The following CYP46A1 variants were observed in gnomAD, a reference collection of about 807,000 sequenced individuals.
The protein encoded by CYP46A1 is cholesterol 24-hydroxylase.
CYP46A1 carries 20 observed loss-of-function variants against 63.3 expected under a neutral mutation model. The observed-to-expected ratio is 0.32, with a 90% CI of 0.22 to 0.46. CYP46A1 has a LOEUF of 0.46. Ranked by LOEUF, CYP46A1 falls within the 20% of genes least tolerant of loss-of-function variation. CYP46A1 has a pLI of 1.00. For missense variants in CYP46A1, 445 were observed against 670.8 expected (o/e 0.66, Z 3.72); for synonymous variants, 268 against 273.6 (o/e 0.98, Z 0.20).
chr14:99,684,788 G>C (rs1026368783), intron 1 of CYP46A1: 3 of 591,614 alleles, frequency 5.1e-6, no homozygotes, highest in Non-Finnish European at 9.5e-6. Flanking sequence ...TCAGGTAGGC[G>C]CTATTGTTAA....
chr14:99,695,973 T>C (rs1412200024), intron 3 of CYP46A1, among the ~76,000 whole-genome samples: 1 of 152,138 alleles, frequency 6.6e-6, no homozygotes, highest in Non-Finnish European at 1.5e-5. Flanking sequence ...TGTTATATCT[T>C]TTTTCTGTTA....
At chr14:99,692,613 T>C (rs1214662519) in intron 3 of CYP46A1, among the ~76,000 whole-genome samples, 1 of 150,340 alleles carries the variant, frequency 6.7e-6, no homozygotes, top group Non-Finnish European at 1.5e-5. Context: ...GTGGATCACC[T>C]GAGGTCAGGA....
intron 9 of CYP46A1, among the ~76,000 whole-genome samples, chr14:99,717,400 G>A (rs2056800222): frequency 6.6e-6 from 1 of 152,134 alleles, no homozygotes; most frequent in Admixed American, 6.5e-5. Flanking sequence ...TATAGTCACA[G>A]CCCGCGATGC....
At chr14:99,719,548 C>G (rs1042322840) in intron 10 of CYP46A1, among the ~76,000 whole-genome samples, 1 of 151,630 alleles carries the variant, frequency 6.6e-6, no homozygotes, top group East Asian at 2.0e-4. Context: ...TTTCATCTTC[C>G]CAAACTGAAA....
rs367930763 is a variant in CYP46A1, at chr14:99,719,933, T to C, written c.981-1306T>C. Among the ~76,000 whole-genome samples, 7 of 152,048 alleles carry C rather than the reference T, an allele frequency of 4.6e-5. 1 individual carries two copies. Among genetic ancestry groups the C allele is most frequent in the African/African-American group, 1.7e-4 (7 of 41,476 alleles). On this transcript the variant is annotated intron_variant, in intron 10 of 14. Transcript: ENST00000261835. Reference sequence around the variant, plus strand: ...CACGCCACCATGCCTGGCTAATTTTTTTTGTATTTTTAGTAGAGACGGGGC... The same window carrying C: ...CACGCCACCATGCCTGGCTAATTTTCTTTGTATTTTTAGTAGAGACGGGGC...
At chr14:99,712,201 A>G (rs775448034) in intron 7 of CYP46A1, 14 of 152,196 alleles carry the variant, frequency 9.2e-5, no homozygotes, top group Non-Finnish European at 1.9e-4. Context: ...GGAAAAGCTA[A>G]AAGTCTTTCC....
chr14:99,706,726 C>A lies in CYP46A1; in HGVS notation c.523C>A (p.Gln175Lys), dbSNP rs779038416. 1.9e-6 allele frequency: 3 copies of A among 1,613,664 alleles called. No individual in the cohort carries two copies. In the African/African-American group the frequency reaches 4.0e-5, roughly 22 times the overall value. ...GATTCTAGAAGCCAAGGCAGATGGG[C>A]AGACCCCAGTGTCCATGCAGGACAT... ...VEILEAKADG[Q>K]TPVSMQDMLT... is the part of the protein sequence containing the mutation. Residue 175 changes from glutamine to lysine, a missense_variant, in exon 6 of 15, where the codon CAG becomes AAG. By Grantham distance (53) the Gln-to-Lys change is moderately conservative. Transcript: ENST00000261835.
At chr14:99,699,740 G>A (rs549734910) in intron 4 of CYP46A1, among the ~76,000 whole-genome samples, 1 of 152,218 alleles carries the variant, frequency 6.6e-6, no homozygotes, top group African/African-American at 2.4e-5. Context: ...CAGATGGCAG[G>A]GAATATAGAG....
chr14:99,684,552 G>A lies in CYP46A1; in HGVS notation c.119+16G>A. On this transcript the variant is annotated intron_variant, in intron 1 of 14. Coordinates refer to ENST00000261835, the MANE Select transcript of CYP46A1 (RefSeq NM_006668.2). ...CGCGGCCCAGGTGAGCGGGGCTGGG[G>A]GCGGGGCCTGGCTGGGGTGCTGGGA... The A allele has an allele frequency of 6.9e-7, 1 of 1,444,644 alleles. No homozygotes were observed. The highest frequency in any genetic ancestry group is 9.1e-7 in the Non-Finnish European group (1 of 1,101,430). The allele number at this position is 1,444,644 out of a possible 1,614,324, so 89.5% of individuals were successfully genotyped here. A position where few individuals can be genotyped will look rare whatever the true frequency, so the allele number is the denominator to read the frequency against.
At position 99,684,423 on chromosome 14, in the gene CYP46A1, C is replaced by T. The variant is rs1340123207; in HGVS notation, c.6C>T (p.Ser2=). ...GCCTGCCCTGCCCCGGAGCCATGAG[C>T]CCCGGGCTGCTGCTGCTCGGCAGCG... M[S]PGLLLLGSAV... Residue 2 remains serine, a synonymous_variant, in exon 1 of 15, where the codon AGC becomes AGT. Transcript: ENST00000261835. The T allele has an allele frequency of 2.3e-5, 34 of 1,461,806 alleles. No individual in the cohort carries two copies. The highest frequency in any genetic ancestry group is 4.4e-5 in the African/African-American group (3 of 67,732). The allele number at this position is 1,461,806 out of a possible 1,614,324, so 90.6% of individuals were successfully genotyped here. A position where few individuals can be genotyped will look rare whatever the true frequency, so the allele number is the denominator to read the frequency against.
Position 99,699,457 on chromosome 14 carries a change from GA to G in CYP46A1, c.283-8del, listed in dbSNP as rs1325972039. ...CATGAGCCTATGTTGGTTTTTTGGG[GA>G]TATTTAGAAGTTCCTGATGTCAACC... On this transcript the variant is annotated splice_region_variant and splice_polypyrimidine_tract_variant and intron_variant, in intron 3 of 14. Coordinates refer to ENST00000261835, the MANE Select transcript of CYP46A1 (RefSeq NM_006668.2). The G allele has an allele frequency of 6.2e-7, 1 of 1,614,046 alleles. No individual in the cohort carries two copies. The highest frequency in any genetic ancestry group is 8.5e-7 in the Non-Finnish European group (1 of 1,179,958).
chr14:99,726,663 A>G lies in CYP46A1; in HGVS notation c.1439A>G (p.Asp480Gly). ...LQEQATLKPL[D>G]PVLCTLRPRG... ...GAGCAGGCCACACTCAAGCCACTGG[A>G]CCCCGTGCTGTGCACCCTGCGGCCC... is the stretch of plus-strand genomic sequence containing the variant. Residue 480 changes from aspartate to glycine, a missense_variant, in exon 15 of 15, where the codon GAC becomes GGC. Physicochemically the swap from Asp to Gly is moderately conservative, Grantham distance 94 (BLOSUM62 -1). This residue lies in a region of CYP46A1 where 85 missense variants were observed against 80.1 expected (regional missense o/e 1.06). Coordinates refer to ENST00000261835, the MANE Select transcript of CYP46A1 (RefSeq NM_006668.2). The G allele has an allele frequency of 6.4e-7, 1 of 1,559,436 alleles. No individual in the cohort carries two copies. The highest frequency in any genetic ancestry group is 8.7e-7 in the Non-Finnish European group (1 of 1,152,896).
chr14:99,706,896 C>T (rs1024676215), intron 6 of CYP46A1, 111 bp downstream of exon 6: 82 of 1,302,564 alleles, frequency 6.3e-5, no homozygotes, highest in Non-Finnish European at 8.1e-5. Context: ...TCTAACATAC[C>T]AGCAATTCCT....
intron 7 of CYP46A1, chr14:99,713,219 A>T (rs975017589): frequency 6.6e-6 from 1 of 151,806 alleles, no homozygotes; most frequent in Non-Finnish European, 1.5e-5. Context: ...TCACGAGGTC[A>T]GGAGATGGAG....
In CYP46A1 at chr14:99,721,313, A is replaced by G. The variant is rs1566836318; in HGVS notation, c.1055A>G (p.Tyr352Cys). 1 of 1,610,920 alleles carries G rather than the reference A, an allele frequency of 6.2e-7. No homozygotes were observed. Among genetic ancestry groups the G allele is most frequent in the South Asian group, 1.1e-5 (1 of 91,008 alleles). ...LDFEDLGRLQYLSQVLKESLR... is the reference protein window; with the variant it reads ...LDFEDLGRLQCLSQVLKESLR... ...TTCGAGGACCTGGGGAGACTGCAGT[A>G]CCTGTCCCAGGTGTGGGAAGTAGGA... The change falls in exon 11 of 15, where the codon TAC (tyrosine) becomes TGC (cysteine). Residue 352 changes from tyrosine to cysteine, a missense_variant. By Grantham distance (194) the Tyr-to-Cys change is radical (BLOSUM62 -2). Transcript: ENST00000261835.
At chr14:99,707,435 A>C (rs191931321) in intron 6 of CYP46A1, 133 bp from the exon 7 acceptor site, 175 of 655,204 alleles carry the variant, frequency 2.7e-4, no homozygotes, top group Non-Finnish European at 4.2e-4. Context: ...GGTCATTGTA[A>C]GCAGCTGATG....
At position 99,687,066 on chromosome 14, in the gene CYP46A1, C is replaced by G. The variant is rs371579503; in HGVS notation, c.119+2530C>G. Among the ~76,000 whole-genome samples the G allele has an allele frequency of 1.4e-4, 21 of 152,246 alleles. No homozygotes were observed. In the East Asian group the frequency reaches 3.3e-3, roughly 24 times the overall value. On this transcript the variant is annotated intron_variant, in intron 1 of 14. Transcript: ENST00000261835. ...CTTTGCCAGCTGGCAGGCAAGGAAC[C>G]CTCTCGCTGCAAGAGGCAACTCTTC...
intron 5 of CYP46A1, among the ~76,000 whole-genome samples, chr14:99,705,304 C>A (rs1014666907): frequency 2.6e-5 from 4 of 152,186 alleles, no homozygotes; most frequent in Non-Finnish European, 4.4e-5. Flanking sequence ...ACCTCCTGGG[C>A]TCAAGTGATC....
chr14:99,686,545 T>C (rs974572291), intron 1 of CYP46A1, among the ~76,000 whole-genome samples: 2 of 152,212 alleles, frequency 1.3e-5, no homozygotes, highest in Non-Finnish European at 2.9e-5. Flanking sequence ...TGAATCTGCT[T>C]TCTGTCTCTG....
Sources: gnomAD v4.1 joint callset for allele counts (sites outside exome capture counted in the v4.1 genomes callset) on GRCh38, gnomAD v4.1.1 for gene constraint, gnomAD v4.1.1 regional missense constraint, MANE v1.5 for transcripts, NCBI Gene and HGNC (gene_info 2026-07-23, HGNC 2026-07-21) for gene names.